Variants in SDK1 observed in about 807,000 individuals in gnomAD.
SDK1 encodes the protein sidekick cell adhesion molecule 1.
In SDK1, 157 loss-of-function variants were observed where a neutral mutation model predicts 245.5. That is an observed-to-expected ratio of 0.64 (90% CI 0.56 to 0.73). The LOEUF (loss-of-function observed/expected upper bound fraction) is 0.73, where lower values mean the gene tolerates loss of function less well. SDK1 is among the 30% of genes least tolerant of loss of function. SDK1 has a pLI of 0.00. For missense variants in SDK1, 3,583 were observed against 3,002.3 expected (o/e 1.19, Z -4.52); for synonymous variants, 1,647 against 1,278.5 (o/e 1.29, Z -6.15).
At chr7:3,811,310 C>G (rs184981861) in intron 4 of SDK1, among the ~76,000 whole-genome samples, 3 of 152,140 alleles carry the variant, frequency 2.0e-5, no homozygotes, top group Non-Finnish European at 4.4e-5. Flanking sequence ...GTTGCCTGAT[C>G]GCGTTAAGGG....
Position 3,943,785 on chromosome 7 carries a change from C to T in SDK1, c.848-7138C>T, listed in dbSNP as rs1410446597. Among the ~76,000 whole-genome samples the T allele has an allele frequency of 4.6e-5, 7 of 152,296 alleles. No individual in the cohort carries two copies. The South Asian group carries it at 1.2e-3, about 27-fold the overall frequency. ...TAATTAAATGCGACCTAGACAGCTT[C>T]TCCCTCCTCAGCCTCTTCTATGAGT... On this transcript the variant is annotated intron_variant, in intron 5 of 44. Coordinates refer to ENST00000404826, the MANE Select transcript of SDK1 (RefSeq NM_152744.4).
chr7:3,928,622 T>A (rs1473564245), intron 5 of SDK1, among the ~76,000 whole-genome samples: 1 of 151,020 alleles, frequency 6.6e-6, no homozygotes, highest in Non-Finnish European at 1.5e-5. Flanking sequence ...TCAATAAAAG[T>A]TTTTTTTTGG....
chr7:4,237,005 C>G (rs376073602), intron 41 of SDK1, among the ~76,000 whole-genome samples: 2 of 152,034 alleles, frequency 1.3e-5, no homozygotes, highest in African/African-American at 4.8e-5. Context: ...CTCCTGGGCT[C>G]AAGTGATCCT....
At chr7:3,658,351 T>G (rs966979666) in intron 4 of SDK1, among the ~76,000 whole-genome samples, 1 of 152,146 alleles carries the variant, frequency 6.6e-6, no homozygotes, top group African/African-American at 2.4e-5. Context: ...ATTTATTCTT[T>G]CCTCCAGTCA....
At chr7:3,780,878 G>T (rs1780711268) in intron 4 of SDK1, among the ~76,000 whole-genome samples, 1 of 152,112 alleles carries the variant, frequency 6.6e-6, no homozygotes, top group African/African-American at 2.4e-5. Context: ...CAGCTCCACA[G>T]ATTTCAGAGA....
intron 5 of SDK1, among the ~76,000 whole-genome samples, chr7:3,919,306 C>CT (rs1779503686): frequency 6.6e-6 from 1 of 152,218 alleles, no homozygotes; most frequent in South Asian, 2.1e-4. Flanking sequence ...CATGGCCGGC[C>CT]TTGCAGCCCG....
intron 1 of SDK1, among the ~76,000 whole-genome samples, chr7:3,502,091 G>T (rs1007264161): frequency 2.0e-5 from 3 of 151,960 alleles, no homozygotes; most frequent in Non-Finnish European, 4.4e-5. Flanking sequence ...TATTAGTGGG[G>T]TTTAGTCAGT....
intron 19 of SDK1, among the ~76,000 whole-genome samples, chr7:4,062,926 C>T (rs1019627421): frequency 6.6e-6 from 1 of 152,146 alleles, no homozygotes; most frequent in African/African-American, 2.4e-5. Flanking sequence ...TAAAAACTCT[C>T]AACAAACTAG....
At chr7:3,718,008 A>G (rs1245952281) in intron 4 of SDK1, among the ~76,000 whole-genome samples, 13 of 152,198 alleles carry the variant, frequency 8.5e-5, no homozygotes, top group Admixed American at 7.9e-4. Flanking sequence ...TATAGGTGCA[A>G]AAATTCTCAA....
chr7:3,506,811 T>C (rs887299084), intron 1 of SDK1, among the ~76,000 whole-genome samples: 1 of 152,160 alleles, frequency 6.6e-6, no homozygotes, highest in African/African-American at 2.4e-5. Flanking sequence ...TCCTATACTT[T>C]ATTTAAATAC....
At chr7:3,829,846 G>T (rs148493469) in intron 5 of SDK1, among the ~76,000 whole-genome samples, 2 of 152,326 alleles carry the variant, frequency 1.3e-5, no homozygotes, top group Admixed American at 1.3e-4. Flanking sequence ...TGGCTCAGCA[G>T]CTTTGAGGCT....
chr7:3,416,834 T>C (rs1183070796), intron 1 of SDK1, among the ~76,000 whole-genome samples: 1 of 152,140 alleles, frequency 6.6e-6, no homozygotes, highest in Non-Finnish European at 1.5e-5. Flanking sequence ...TTGTGGATGT[T>C]ATTTGTGGTT....
rs548577479 is a variant in SDK1, at chr7:3,437,025, C to G, written c.298+135141C>G. Among the ~76,000 whole-genome samples, 4 of 152,258 alleles carry G rather than the reference C, an allele frequency of 2.6e-5. No homozygotes were observed. In the South Asian group the frequency reaches 8.3e-4, roughly 32 times the overall value. ...ATATATGTAAGGGGCAGCGGCTGCT[C>G]CTCTATCAGTCCAGGAGAGCCTGGT... On this transcript the variant is annotated intron_variant, in intron 1 of 44. Transcript: ENST00000404826.
At chr7:4,219,867 C>G (rs867855391) in intron 38 of SDK1, among the ~76,000 whole-genome samples, 1 of 151,418 alleles carries the variant, frequency 6.6e-6, no homozygotes, top group African/African-American at 2.4e-5. Context: ...GGCAGCCTCC[C>G]CCTTTTGTGT....
At chr7:3,863,815 T>C (rs967796393) in intron 5 of SDK1, among the ~76,000 whole-genome samples, 3 of 152,200 alleles carry the variant, frequency 2.0e-5, no homozygotes, top group Admixed American at 1.3e-4. Flanking sequence ...ATGGACCCCA[T>C]TGGTTTATCC....
intron 22 of SDK1, among the ~76,000 whole-genome samples, chr7:4,099,568 A>G: frequency 1.1e-5 from 1 of 92,484 alleles, no homozygotes; most frequent in Non-Finnish European, 2.2e-5. Context: ...CTCACAGAGG[A>G]TGAGGTGGGA....
rs530893058 is a variant in SDK1, at chr7:4,060,773, A to C, written c.2912-7065A>C. ...TTTCTTCTAGGGTTTTTATGGTTTT[A>C]GGTCTAACGTTTAGGTCTTTAATCC... On this transcript the variant is annotated intron_variant, in intron 19 of 44. Transcript: ENST00000404826. 1.2e-3 allele frequency among the ~76,000 whole-genome samples: 182 copies of C among 152,284 alleles called. 1 individual carries two copies. The highest frequency in any genetic ancestry group is 2.2e-3 in the Non-Finnish European group (147 of 68,026).
chr7:3,529,797 G>A (rs1359489205), intron 1 of SDK1, among the ~76,000 whole-genome samples: 3 of 152,120 alleles, frequency 2.0e-5, no homozygotes, highest in South Asian at 4.1e-4. Flanking sequence ...GTCGAGGGGT[G>A]GGCTATGCTC....
In SDK1 at chr7:4,072,561, C is replaced by T. The variant is rs112078972; in HGVS notation, c.3011-4437C>T. ...GTTTTCCAGTGGAACATGCTGGCAG[C>T]ACCATGAAATTCTATTCTGTGCTGA... is the stretch of plus-strand genomic sequence containing the variant. On this transcript the variant is annotated intron_variant, in intron 20 of 44. Transcript: ENST00000404826. Among the ~76,000 whole-genome samples, 751 of 152,330 alleles carry T rather than the reference C, an allele frequency of 4.9e-3. 6 individuals are homozygous for T. The highest frequency in any genetic ancestry group is 0.017 in the African/African-American group (711 of 41,582).
Sources: allele counts gnomAD v4.1 joint callset (sites outside exome capture counted in the v4.1 genomes callset), GRCh38; gene constraint gnomAD v4.1.1; transcripts MANE v1.5; gene names NCBI Gene and HGNC (gene_info 2026-07-23, HGNC 2026-07-21).